Variants in KIF24 observed in about 807,000 individuals in gnomAD.
KIF24 encodes kinesin-like protein KIF24.
A neutral mutation model predicts 118.9 loss-of-function variants in KIF24; 81 were observed. The ratio of observed to expected loss-of-function variants is 0.68; its 90% CI spans 0.57 to 0.82. KIF24 has a LOEUF of 0.82. Ranked by LOEUF, KIF24 falls within the 40% of genes least tolerant of loss-of-function variation. The pLI is 0.00. For synonymous variants in KIF24, 599 were observed against 610.0 expected (o/e 0.98, Z 0.27); for missense variants, 1,560 against 1,661.6 (o/e 0.94, Z 1.06).
At chr9:34,279,613 C>A (rs1174913301) in intron 6 of KIF24, among the ~76,000 whole-genome samples, 1 of 152,142 alleles carries the variant, frequency 6.6e-6, no homozygotes, top group Non-Finnish European at 1.5e-5. Context: ...AAGGACAATC[C>A]CATTTGAATA....
chr9:34,286,757 T>C, intron 5 of KIF24, 53 bp from the exon 6 acceptor site: 1 of 1,230,214 alleles, frequency 8.1e-7, no homozygotes, highest in Non-Finnish European at 1.2e-6. Context: ...ACAGACTTTG[T>C]TCTTGCCTCC....
chr9:34,289,076 A>G (rs1836158029), intron 5 of KIF24, among the ~76,000 whole-genome samples: 1 of 152,042 alleles, frequency 6.6e-6, no homozygotes, highest in South Asian at 2.1e-4. Context: ...CCAGAGTAGC[A>G]CCCTCTTTTA....
intron 8 of KIF24, among the ~76,000 whole-genome samples, chr9:34,265,295 A>G (rs1238835731): frequency 2.0e-5 from 3 of 152,072 alleles, no homozygotes; most frequent in Non-Finnish European, 4.4e-5. Flanking sequence ...CAGCCTCCCA[A>G]GTAGCTTGGG....
In KIF24 at chr9:34,252,551, C is replaced by CAATA. The variant is rs2131644094; in HGVS notation, c.*1828_*1829insTATT. 1 of 152,602 alleles carries CAATA rather than the reference C, an allele frequency of 6.6e-6. No individual in the cohort carries two copies. The highest frequency in any genetic ancestry group is 2.4e-5 in the African/African-American group (1 of 41,496). The allele number at this position is 152,602 out of a possible 1,614,324, so 9.5% of individuals were successfully genotyped here. On this transcript the variant is annotated 3_prime_UTR_variant, in exon 13 of 13. Transcript: ENST00000402558. ...TCTTGGTGTGATAACTTCTTTATTA[C>CAATA]CAAGGCTGTTTTATGGGAGTGGGGG...
intron 1 of KIF24, among the ~76,000 whole-genome samples, chr9:34,314,270 T>TC (rs983146970): frequency 2.6e-5 from 4 of 151,192 alleles, no homozygotes; most frequent in African/African-American, 9.7e-5. Context: ...TTCAAGCAAT[T>TC]CCCATGCCTC....
intron 3 of KIF24, among the ~76,000 whole-genome samples, chr9:34,303,405 T>C (rs548779292): frequency 1.4e-3 from 208 of 152,376 alleles, no homozygotes; most frequent in African/African-American, 4.9e-3. Context: ...TCAAGTATGG[T>C]TGTTGCATTA....
chr9:34,262,863 AAAC>A (rs1260885889), intron 9 of KIF24, among the ~76,000 whole-genome samples: 1 of 150,990 alleles, frequency 6.6e-6, no homozygotes, highest in African/African-American at 2.4e-5. Flanking sequence ...CCTGTCTCAA[AAAC>A]AACAACAAAA....
chr9:34,264,144 GGGTGCAGT>G lies in KIF24; in HGVS notation c.1444-980_1444-973del, dbSNP rs1317739430. On this transcript the variant is annotated intron_variant, in intron 8 of 12. Coordinates refer to ENST00000402558, the MANE Select transcript of KIF24 (RefSeq NM_194313.4). ...ATAGTAAAAGAAAAGAAAAGGAGCT[GGGTGCAGT>G]GGCTCATGCCTGTAATCCCAGCACT... is the stretch of plus-strand genomic sequence containing the variant. Among the ~76,000 whole-genome samples, 6 of 152,140 alleles carry G rather than the reference GGGTGCAGT, an allele frequency of 3.9e-5. No homozygotes were observed. The South Asian group carries it at 8.3e-4, about 21-fold the overall frequency.
chr9:34,281,791 CT>C lies in KIF24; in HGVS notation c.1215+4825del, dbSNP rs563317219. Among the ~76,000 whole-genome samples, 29 of 152,316 alleles carry C rather than the reference CT, an allele frequency of 1.9e-4. No homozygotes were observed. The East Asian group carries it at 5.4e-3, about 28-fold the overall frequency. ...TGGAGGAGTGTACCATGAAGCTATA[CT>C]AAGCTAAGTCTTGTTAAGTGCCTGG... On this transcript the variant is annotated intron_variant, in intron 6 of 12. Transcript: ENST00000402558.
chr9:34,324,140 C>T (rs1837602890), intron 1 of KIF24, among the ~76,000 whole-genome samples: 1 of 152,154 alleles, frequency 6.6e-6, no homozygotes, highest in African/African-American at 2.4e-5. Context: ...GGGTTACTTC[C>T]AGAATCCCAA....
At chr9:34,320,644 A>C (rs550724777) in intron 1 of KIF24, among the ~76,000 whole-genome samples, 2 of 138,130 alleles carry the variant, frequency 1.4e-5, no homozygotes, top group Non-Finnish European at 3.1e-5. Context: ...GGTGACAAGA[A>C]TCAAACTCCT....
At chr9:34,300,850 C>CAAAAAAAAAAAAAA (rs57919845) in intron 3 of KIF24, among the ~76,000 whole-genome samples, 5 of 105,674 alleles carry the variant, frequency 4.7e-5, no homozygotes, top group East Asian at 2.8e-4. Context: ...CGGCATTTCT[C>CAAAAAAAAAAAAAA]AAAAAAAAAA....
chr9:34,275,293 C>T (rs930846655), intron 6 of KIF24, among the ~76,000 whole-genome samples: 3 of 152,108 alleles, frequency 2.0e-5, no homozygotes, highest in African/African-American at 7.2e-5. Flanking sequence ...ACTCAGGAGG[C>T]TGAGGCATGA....
chr9:34,294,573 T>TAA (rs1836388974), intron 4 of KIF24, among the ~76,000 whole-genome samples: 1 of 152,050 alleles, frequency 6.6e-6, no homozygotes, highest in South Asian at 2.1e-4. Flanking sequence ...GTTCATACTT[T>TAA]ATTCATAAAG....
rs748788628 is a variant in KIF24, at chr9:34,257,514, T to TTACC, written c.2089_2092dup (p.Lys698ArgfsTer2). On this transcript the variant is annotated stop_gained and frameshift_variant, in exon 11 of 13. Coordinates refer to ENST00000402558, the MANE Select transcript of KIF24 (RefSeq NM_194313.4). LOFTEE classifies it high-confidence loss of function. ...CACTTTCTTGCACTTGGTGGACAGC[T>TTACC]TACCACGCACTAGGCCTTCTCCTGG... is the stretch of plus-strand genomic sequence containing the variant. 2.5e-6 allele frequency: 4 copies of TTACC among 1,614,070 alleles called. No homozygotes were observed. The South Asian group carries it at 4.4e-5, about 18-fold the overall frequency.
intron 8 of KIF24, among the ~76,000 whole-genome samples, chr9:34,264,972 G>C (rs897886369): frequency 6.6e-6 from 1 of 152,142 alleles, no homozygotes; most frequent in Non-Finnish European, 1.5e-5. Flanking sequence ...TGACAAAAGC[G>C]AAGTGCAAAA....
intron 3 of KIF24, among the ~76,000 whole-genome samples, chr9:34,305,444 A>C (rs1836876167): frequency 6.6e-6 from 1 of 152,162 alleles, no homozygotes; most frequent in South Asian, 2.1e-4. Flanking sequence ...GTTGCCCAAA[A>C]AGATATTGTC....
rs1360756187 is a variant in KIF24, at chr9:34,257,643, C to T, written c.1964G>A (p.Gly655Glu). ...ASPVKGTVRS[G>E]HVAKKKPEES... ...TTCTGGCTTTTTTTTGGCCACATGT[C>T]CAGAGCGCACAGTTCCTTTCACAGG... Residue 655 changes from glycine to glutamate, a missense_variant, in exon 11 of 13, where the codon GGA (glycine) becomes GAA (glutamate). This residue lies in a region of KIF24 where 964 missense variants were observed against 988.0 expected (regional missense o/e 0.98). Transcript: ENST00000402558. The T allele has an allele frequency of 1.2e-6, 2 of 1,614,014 alleles. No individual in the cohort carries two copies. The highest frequency in any genetic ancestry group is 3.3e-5 in the Admixed American group (2 of 60,018).
chr9:34,306,507 T>C (rs1346769581), intron 2 of KIF24, 66 bp from the exon 3 acceptor site: 1 of 1,141,416 alleles, frequency 8.8e-7, no homozygotes, highest in African/African-American at 1.6e-5. Context: ...CAGGTCAAAG[T>C]ATTGGTACCT....
Sources: allele counts gnomAD v4.1 joint callset (sites outside exome capture counted in the v4.1 genomes callset), GRCh38; gene constraint gnomAD v4.1.1; regional missense constraint gnomAD v4.1.1; transcripts MANE v1.5; gene names NCBI Gene and HGNC (gene_info 2026-07-23, HGNC 2026-07-21).